The following GAREM1 variants were observed in gnomAD, a reference collection of about 807,000 sequenced individuals.
The protein encoded by GAREM1 is GRB2-associated and regulator of MAPK protein 1.
Under a neutral mutation model 71.3 loss-of-function variants are expected in GAREM1, and 26 were observed. The observed-to-expected ratio is 0.36, with a 90% CI of 0.27 to 0.51. The LOEUF (loss-of-function observed/expected upper bound fraction) is 0.51, where lower values mean the gene tolerates loss of function less well. GAREM1 is among the 20% of genes least tolerant of loss of function. The probability of loss-of-function intolerance (pLI) is 0.95; values close to 1 mark genes in which losing one functional copy is unlikely to be tolerated. For missense variants in GAREM1, 1,026 were observed against 1,103.1 expected (o/e 0.93, Z 0.99); for synonymous variants, 440 against 433.2 (o/e 1.02, Z -0.20).
rs2049040854 is a variant in GAREM1, at chr18:32,470,365, G to A, written c.64C>T (p.Pro22Ser). 3.2e-6 allele frequency: 5 copies of A among 1,566,032 alleles called. No homozygotes were observed. Among genetic ancestry groups the A allele is most frequent in the Non-Finnish European group, 4.3e-6 (5 of 1,158,076 alleles). ...TAAGTGCTGACCAGGAGGTCGAGCG[G>A]CACGGCCACCGAGCTCCACTTCACA... The part of the protein sequence containing the change: ...KDVKWSSVAV[P>S]LDLLVSTYRL... The change falls in exon 1 of 6, where the codon CCG becomes TCG. Residue 22 changes from proline (P) to serine (S), a missense_variant. By Grantham distance (74) the Pro-to-Ser change is moderately conservative. Around this residue, in one of 3 missense-constraint regions of GAREM1, gnomAD observed 172 missense variants for 175.2 expected, o/e 0.98. Transcript: ENST00000269209. The surrounding 1 kb of genome is among the most constrained non-coding windows in gnomAD (Gnocchi z 4.4).
chr18:32,281,929 T>C (rs1370692359), intron 4 of GAREM1, among the ~76,000 whole-genome samples: 4 of 152,160 alleles, frequency 2.6e-5, no homozygotes, highest in African/African-American at 9.7e-5. Flanking sequence ...GAAGTGTAAA[T>C]GGCCGGTCCT....
chr18:32,305,482 C>T (rs1327871195), intron 3 of GAREM1, among the ~76,000 whole-genome samples: 1 of 152,140 alleles, frequency 6.6e-6, no homozygotes, highest in African/African-American at 2.4e-5. Context: ...TGGGGCTACA[C>T]TTCTATTCAC....
intron 2 of GAREM1, among the ~76,000 whole-genome samples, chr18:32,368,556 A>G (rs2047947609): frequency 6.6e-6 from 1 of 152,180 alleles, no homozygotes; most frequent in African/African-American, 2.4e-5. Context: ...ACTCTGAATC[A>G]CTGCTCAACT....
intron 4 of GAREM1, among the ~76,000 whole-genome samples, chr18:32,283,796 G>A (rs2144453526): frequency 6.6e-6 from 1 of 152,248 alleles, no homozygotes; most frequent in East Asian, 1.9e-4. Context: ...ACAGAAAAGG[G>A]CTGATGAGCA....
intron 1 of GAREM1, among the ~76,000 whole-genome samples, chr18:32,403,238 A>T (rs967840163): frequency 6.6e-6 from 1 of 151,892 alleles, no homozygotes; most frequent in Admixed American, 6.6e-5. Flanking sequence ...ATGTATTTAA[A>T]TATTGCTGCA....
intron 2 of GAREM1, among the ~76,000 whole-genome samples, chr18:32,358,192 G>A (rs545376045): frequency 3.5e-5 from 5 of 141,796 alleles, no homozygotes; most frequent in African/African-American, 5.3e-5. Flanking sequence ...GGACCCTTTC[G>A]GAGAGCACAC....
At chr18:32,408,009 T>C (rs1425671787) in intron 1 of GAREM1, among the ~76,000 whole-genome samples, 2 of 151,964 alleles carry the variant, frequency 1.3e-5, no homozygotes, top group Non-Finnish European at 2.9e-5. Flanking sequence ...CTACTAAAGG[T>C]GTCAATCTAA....
intron 3 of GAREM1, among the ~76,000 whole-genome samples, chr18:32,309,263 C>G (rs1286088378): frequency 6.7e-6 from 1 of 149,568 alleles, no homozygotes; most frequent in African/African-American, 2.5e-5. Context: ...TCTTCAACAG[C>G]AAGTCTAGTC....
intron 4 of GAREM1, among the ~76,000 whole-genome samples, chr18:32,276,380 T>C (rs2041542931): frequency 6.6e-6 from 1 of 152,220 alleles, no homozygotes; most frequent in Admixed American, 6.5e-5. Flanking sequence ...TTTGTTCAAA[T>C]AGATTGAGTG....
intron 2 of GAREM1, among the ~76,000 whole-genome samples, chr18:32,383,841 TTC>T (rs1028393798): frequency 8.5e-5 from 13 of 152,146 alleles, no homozygotes; most frequent in African/African-American, 3.1e-4. Flanking sequence ...ATACTATACT[TTC>T]TGTTTGTAGA....
In GAREM1 at chr18:32,276,149, C is replaced by T. The variant is rs573597811; in HGVS notation, c.1567-5766G>A. Among the ~76,000 whole-genome samples the T allele has an allele frequency of 3.9e-5, 6 of 152,324 alleles. No individual in the cohort carries two copies. In the South Asian group the frequency reaches 1.2e-3, roughly 32 times the overall value. ...AGAAACGGTGAGTTCTGTTCTTTCTCGAACTTCATCCTCTTTAGTCAATGA... is the reference window on the plus strand; with the variant it reads ...AGAAACGGTGAGTTCTGTTCTTTCTTGAACTTCATCCTCTTTAGTCAATGA... On this transcript the variant is annotated intron_variant, in intron 4 of 5. Transcript: ENST00000269209.
At chr18:32,344,161 C>A (rs188162969) in intron 2 of GAREM1, among the ~76,000 whole-genome samples, 4 of 152,262 alleles carry the variant, frequency 2.6e-5, no homozygotes, top group Admixed American at 2.6e-4. Flanking sequence ...GCCTTCCTCC[C>A]CGCCTCCTCA....
chr18:32,418,016 T>C (rs1315483978), intron 1 of GAREM1, among the ~76,000 whole-genome samples: 1 of 151,980 alleles, frequency 6.6e-6, no homozygotes, highest in Non-Finnish European at 1.5e-5. Context: ...ACGCACAAAA[T>C]TAAAAAAATG....
At chr18:32,412,148 T>C (rs1453291195) in intron 1 of GAREM1, 6 of 1,213,250 alleles carry the variant, frequency 4.9e-6, no homozygotes, top group Non-Finnish European at 7.2e-6. Context: ...TTCACAAATC[T>C]GTTGTAACCT....
chr18:32,456,457 G>A (rs2048890259), intron 1 of GAREM1, among the ~76,000 whole-genome samples: 1 of 152,092 alleles, frequency 6.6e-6, no homozygotes, highest in Non-Finnish European at 1.5e-5. Context: ...CAGATTTGGA[G>A]AAATGGTATT....
intron 1 of GAREM1, among the ~76,000 whole-genome samples, chr18:32,460,180 C>T (rs1301504978): frequency 6.9e-6 from 1 of 145,804 alleles, no homozygotes; most frequent in Admixed American, 6.8e-5. Flanking sequence ...GAAAAAACAA[C>T]AACAGAACAC....
chr18:32,360,417 A>T (rs1420458770), intron 2 of GAREM1, among the ~76,000 whole-genome samples: 1 of 152,146 alleles, frequency 6.6e-6, no homozygotes, highest in Non-Finnish European at 1.5e-5. Flanking sequence ...TTTAAGAGGA[A>T]AACACTAAAA....
At chr18:32,412,001 A>T (rs899787370) in intron 1 of GAREM1, among the ~76,000 whole-genome samples, 2 of 152,200 alleles carry the variant, frequency 1.3e-5, no homozygotes, top group Non-Finnish European at 2.9e-5. Context: ...CTTTCCACAG[A>T]ACAGAAACTA....
At chr18:32,314,804 G>A (rs1391004332) in intron 2 of GAREM1, among the ~76,000 whole-genome samples, 2 of 151,922 alleles carry the variant, frequency 1.3e-5, no homozygotes, top group Non-Finnish European at 2.9e-5. Flanking sequence ...GGTCAGGCTG[G>A]TCTCAAACTC....
Sources: gnomAD v4.1 joint callset for allele counts (sites outside exome capture counted in the v4.1 genomes callset) on GRCh38, gnomAD v4.1.1 for gene constraint, gnomAD v4.1.1 regional missense constraint, Gnocchi (gnomAD v3.1) non-coding constraint, MANE v1.5 for transcripts, NCBI Gene and HGNC (gene_info 2026-07-23, HGNC 2026-07-21) for gene names.